The following DPP6 variants were observed in gnomAD, a reference collection of about 807,000 sequenced individuals.
The protein encoded by DPP6 is A-type potassium channel modulatory protein DPP6.
A neutral mutation model predicts 122.6 loss-of-function variants in DPP6; 69 were observed. The ratio of observed to expected loss-of-function variants is 0.56; its 90% confidence interval spans 0.46 to 0.69. The LOEUF is 0.69. DPP6 is among the 30% of genes least tolerant of loss of function. The pLI, the probability that DPP6 is intolerant of heterozygous loss-of-function variation, is 0.00. For missense variants in DPP6, 928 were observed against 1,116.9 expected (o/e 0.83, Z 2.41); for synonymous variants, 418 against 433.1 (o/e 0.97, Z 0.43).
the DPP6 span, among the ~76,000 whole-genome samples, chr7:153,881,132 G>A: frequency 5.7e-3 from 873 of 152,274 alleles, 8 homozygotes; most frequent in African/African-American, 0.02. Flanking sequence ...TCGTTTGTTC[G>A]AGAAACATGA....
intron 5 of DPP6, among the ~76,000 whole-genome samples, chr7:154,600,769 T>G (rs1389894595): frequency 8.2e-6 from 1 of 121,572 alleles, no homozygotes; most frequent in South Asian, 3.3e-4. Context: ...CTGTTTCAAG[T>G]GTACAGAAAA....
chr7:154,201,744 C>T (rs930877758), intron 1 of DPP6, among the ~76,000 whole-genome samples: 6 of 152,272 alleles, frequency 3.9e-5, no homozygotes, highest in African/African-American at 1.4e-4. Flanking sequence ...ATCCGTGTGT[C>T]ATGGTTCTAT....
the DPP6 span, among the ~76,000 whole-genome samples, chr7:153,767,101 G>C: frequency 7.8e-6 from 1 of 128,110 alleles, no homozygotes; most frequent in Non-Finnish European, 1.8e-5. Flanking sequence ...TTACTAGCTA[G>C]AAAAGAAGGA....
intron 1 of DPP6, among the ~76,000 whole-genome samples, chr7:154,250,378 G>A (rs1228453392): frequency 1.3e-5 from 2 of 152,104 alleles, no homozygotes; most frequent in African/African-American, 2.4e-5. Context: ...GTCAACACCT[G>A]CAGTGTGGGC....
intron 16 of DPP6, among the ~76,000 whole-genome samples, chr7:154,811,101 G>A (rs1435186012): frequency 6.6e-6 from 1 of 152,252 alleles, no homozygotes; most frequent in African/African-American, 2.4e-5. Flanking sequence ...CTACAAAATT[G>A]CTCTTTAAAG....
At chr7:154,008,662 T>TC (rs1798019664) in intron 1 of DPP6, among the ~76,000 whole-genome samples, 1 of 139,954 alleles carries the variant, frequency 7.1e-6, no homozygotes, top group Non-Finnish European at 1.5e-5. Flanking sequence ...TCTTTTCTTT[T>TC]TTTTTTTTTT....
intron 1 of DPP6, among the ~76,000 whole-genome samples, chr7:154,443,016 C>G (rs538455294): frequency 6.6e-6 from 1 of 152,316 alleles, no homozygotes; most frequent in South Asian, 2.1e-4. Flanking sequence ...AAGCCTGCAC[C>G]TGGCCCTCAG....
At chr7:154,231,349 G>C (rs1050693198) in intron 1 of DPP6, among the ~76,000 whole-genome samples, 1 of 152,118 alleles carries the variant, frequency 6.6e-6, no homozygotes. Context: ...TTACAGGCAC[G>C]CTGAGCATCC....
At chr7:153,843,239 C>T in the DPP6 span, among the ~76,000 whole-genome samples, 6 of 151,798 alleles carry the variant, frequency 4.0e-5, no homozygotes, top group East Asian at 2.0e-4. Context: ...CACATACACA[C>T]GCACATACAT....
At chr7:154,828,948 G>A (rs908159850) in intron 16 of DPP6, among the ~76,000 whole-genome samples, 1 of 152,150 alleles carries the variant, frequency 6.6e-6, no homozygotes, top group Non-Finnish European at 1.5e-5. Flanking sequence ...ATCAAATACA[G>A]TCTCGGTCTC....
In DPP6 at chr7:154,834,494, AAAACAAAAAC is replaced by A. The variant is rs1166105382; in HGVS notation, c.1667-19282_1667-19273del. Among the ~76,000 whole-genome samples, 6 of 151,810 alleles carry A rather than the reference AAAACAAAAAC, an allele frequency of 4.0e-5. No individual in the cohort carries two copies. In the East Asian group the frequency reaches 1.2e-3, roughly 29 times the overall value. Reference sequence around the variant, plus strand: ...TCCATCTCAAAGAAAAACAAAAACAAAAACAAAAACAAAAAAAACCAGCTCCCATTTATTT... The same window carrying A: ...TCCATCTCAAAGAAAAACAAAAACAAAAAAAAAACCAGCTCCCATTTATTT... On this transcript the variant is annotated intron_variant, in intron 16 of 25. Transcript: ENST00000377770.
intron 1 of DPP6, among the ~76,000 whole-genome samples, chr7:154,434,602 C>G (rs986808990): frequency 6.6e-6 from 1 of 152,138 alleles, no homozygotes; most frequent in Non-Finnish European, 1.5e-5. Context: ...AGCTGCTCAC[C>G]TGAGCTGTGG....
At chr7:154,205,778 A>T (rs1485238121) in intron 1 of DPP6, among the ~76,000 whole-genome samples, 1 of 147,550 alleles carries the variant, frequency 6.8e-6, no homozygotes, top group East Asian at 2.0e-4. Flanking sequence ...TTAAAAAAAA[A>T]AAAAAATTAA....
intron 1 of DPP6, among the ~76,000 whole-genome samples, chr7:154,053,302 G>C (rs1563136199): frequency 2.0e-5 from 3 of 152,006 alleles, no homozygotes; most frequent in Non-Finnish European, 4.4e-5. Context: ...GAGAGAGCGG[G>C]GTTTGGGTAC....
chr7:154,087,882 G>A (rs1234658899), intron 1 of DPP6, among the ~76,000 whole-genome samples: 1 of 152,238 alleles, frequency 6.6e-6, no homozygotes, highest in Non-Finnish European at 1.5e-5. Flanking sequence ...ATCCCATCCT[G>A]AGAACAGGGG....
intron 16 of DPP6, among the ~76,000 whole-genome samples, chr7:154,842,517 G>A (rs976542965): frequency 1.3e-5 from 2 of 152,166 alleles, no homozygotes; most frequent in African/African-American, 4.8e-5. Flanking sequence ...CAGAGACACA[G>A]AAATAAATAT....
At chr7:154,380,008 T>A (rs1462461535) in intron 1 of DPP6, among the ~76,000 whole-genome samples, 1 of 151,822 alleles carries the variant, frequency 6.6e-6, no homozygotes, top group African/African-American at 2.4e-5. Flanking sequence ...ATTCTTAACA[T>A]CAAAACAAAA....
chr7:154,705,232 G>A (rs1210650262), intron 7 of DPP6, among the ~76,000 whole-genome samples: 1 of 152,138 alleles, frequency 6.6e-6, no homozygotes, highest in Non-Finnish European at 1.5e-5. Flanking sequence ...AGTTAAACTA[G>A]ACTAAACAAA....
At chr7:154,824,681 A>AAT (rs1323270170) in intron 16 of DPP6, among the ~76,000 whole-genome samples, 1 of 152,250 alleles carries the variant, frequency 6.6e-6, no homozygotes, top group African/African-American at 2.4e-5. Flanking sequence ...ACATAAAAAG[A>AAT]ATCAGTCCCA....
Sources: allele counts gnomAD v4.1 joint callset (sites outside exome capture counted in the v4.1 genomes callset), GRCh38; gene constraint gnomAD v4.1.1; transcripts MANE v1.5; gene names NCBI Gene and HGNC (gene_info 2026-07-23, HGNC 2026-07-21).